MSRB1: variants seen among roughly 807,000 people sequenced by gnomAD.
MSRB1 encodes methionine-R-sulfoxide reductase B1.
Under a neutral mutation model 15.2 loss-of-function variants are expected in MSRB1, and 13 were observed. The ratio of observed to expected loss-of-function variants is 0.86; its 90% CI spans 0.56 to 1.36. The LOEUF is 1.36. Among genes scored for constraint, MSRB1 ranks in the 40% most tolerant of loss-of-function variants. The pLI is 0.00. For missense variants in MSRB1, 174 were observed against 155.9 expected, an observed-to-expected ratio of 1.12 and a Z score of -0.62; for synonymous variants, 68 against 64.5, an observed-to-expected ratio of 1.05 and a Z score of -0.26.
Position 1,940,863 on chromosome 16 carries a change from C to A in MSRB1, c.234G>T (p.Leu78Phe), listed in dbSNP as rs1178592136. The change falls in exon 3 of 4, where the codon TTG becomes TTT. Residue 78 changes from leucine to phenylalanine, a missense_variant. By Grantham distance (22) the Leu-to-Phe change is conservative. Coordinates refer to ENST00000361871, the MANE Select transcript of MSRB1 (RefSeq NM_016332.4). ...KVSCGKCGNGLGHEFLNDGPK... is the reference protein window; with the variant it reads ...KVSCGKCGNGFGHEFLNDGPK... ...GGCCGTCGTTCAGGAACTCGTGGCCCAACCCATTGCCACACTTGCCACAGG... is the reference window on the plus strand; with the variant it reads ...GGCCGTCGTTCAGGAACTCGTGGCCAAACCCATTGCCACACTTGCCACAGG... 1.9e-6 allele frequency: 3 copies of A among 1,614,068 alleles called. No homozygotes were observed. Among genetic ancestry groups the A allele is most frequent in the Admixed American group, 1.7e-5 (1 of 60,012 alleles).
Position 1,939,007 on chromosome 16 carries a change from C to A in MSRB1, c.*105G>T. 2.1e-6 allele frequency: 3 copies of A among 1,417,942 alleles called. No individual in the cohort carries two copies. The highest frequency in any genetic ancestry group is 1.2e-5 in the South Asian group (1 of 83,522). 87.8% of individuals were successfully genotyped at this position (1,417,942 alleles called of 1,614,324 possible). A position where few individuals can be genotyped will look rare whatever the true frequency, so the allele number is the denominator to read the frequency against. On this transcript the variant is annotated 3_prime_UTR_variant, in exon 4 of 4. Transcript: ENST00000361871. ...GAGTGTCCTGATGTTTCAACCACTG[C>A]GCCCTGCCTTCCTGTCTCGACGCCC...
chr16:1,942,970 G>A lies in MSRB1; in HGVS notation c.55+132C>T. Reference sequence around the variant, plus strand: ...TCCGCAGTCCTTTTGACCCCTGTTCGCTTCTCCCCGGCAGCCACATTCGCC... The same window carrying A: ...TCCGCAGTCCTTTTGACCCCTGTTCACTTCTCCCCGGCAGCCACATTCGCC... On this transcript the variant is annotated intron_variant, in intron 1 of 3. Coordinates refer to ENST00000361871, the MANE Select transcript of MSRB1 (RefSeq NM_016332.4). 5 of 1,279,338 alleles carry A rather than the reference G, an allele frequency of 3.9e-6. No individual in the cohort carries two copies. The South Asian group carries it at 5.4e-5, about 14-fold the overall frequency. The allele number at this position is 1,279,338 out of a possible 1,614,324, so 79.2% of individuals were successfully genotyped here.
rs193041536 is a variant in MSRB1 at position 1,939,620 on chromosome 16, C to A, written c.320-477G>T. Among the ~76,000 whole-genome samples, 442 of 152,206 alleles carry A rather than the reference C, an allele frequency of 2.9e-3. 2 individuals carry two copies. Among genetic ancestry groups the A allele is most frequent in the African/African-American group, 0.01 (425 of 41,522 alleles). ...GGCCAAGGCCCAGAGGAGTTCAAGA[C>A]CAGCCTGGGCCACATAGTGAGACCC... On this transcript the variant is annotated intron_variant, in intron 3 of 3. Coordinates refer to ENST00000361871, the MANE Select transcript of MSRB1 (RefSeq NM_016332.4).
Position 1,940,828 on chromosome 16 carries a change from C to A in MSRB1, c.269G>T (p.Gly90Val), listed in dbSNP as rs1190923058. Residue 90 changes from glycine (G) to valine (V), a missense_variant, in exon 3 of 4, where the codon GGG (glycine) becomes GTG (valine). Physicochemically the swap from Gly to Val is moderately radical, Grantham distance 109. Coordinates refer to ENST00000361871, the MANE Select transcript of MSRB1 (RefSeq NM_016332.4). ...HEFLNDGPKP[G>V]QSRFUIFSSS... is the part of the protein sequence containing the mutation. Reference sequence around the variant, plus strand: ...GCTGAATATTCAGAATCGGGACTGCCCCGGCTTGGGGCCGTCGTTCAGGAA... The same window carrying A: ...GCTGAATATTCAGAATCGGGACTGCACCGGCTTGGGGCCGTCGTTCAGGAA... The A allele has an allele frequency of 5.6e-6, 9 of 1,614,122 alleles. No homozygotes were observed. Among genetic ancestry groups the A allele is most frequent in the Middle Eastern group, 1.6e-4 (1 of 6,062 alleles).
chr16:1,940,909 G>A lies in MSRB1; in HGVS notation c.205-17C>T, dbSNP rs777570742. On this transcript the variant is annotated splice_polypyrimidine_tract_variant and intron_variant, in intron 2 of 3. Coordinates refer to ENST00000361871, the MANE Select transcript of MSRB1 (RefSeq NM_016332.4). ...ACAGGACACCTGGAAAGATCACAAG[G>A]CAGCTGGGTGAGCTTCTGGCCATGA... The A allele has an allele frequency of 6.2e-7, 1 of 1,614,014 alleles. No individual in the cohort carries two copies. The highest frequency in any genetic ancestry group is 8.5e-7 in the Non-Finnish European group (1 of 1,179,982).
intron 1 of MSRB1, among the ~76,000 whole-genome samples, chr16:1,942,402 G>A (rs1650725949): frequency 6.6e-6 from 1 of 152,232 alleles, no homozygotes; most frequent in Admixed American, 6.5e-5. Flanking sequence ...CCACTACCAG[G>A]CGAGCCCAGC....
In MSRB1 at chr16:1,943,189, G is replaced by A. The variant is rs772983723; in HGVS notation, c.-33C>T. On this transcript the variant is annotated 5_prime_UTR_variant, in exon 1 of 4. Coordinates refer to ENST00000361871, the MANE Select transcript of MSRB1 (RefSeq NM_016332.4). ...CCGGAACCGCAGCGCGCTTGCCGCT[G>A]CCAACTGACCAAAGGCTGCCGACCC... is the stretch of plus-strand genomic sequence containing the variant. The A allele has an allele frequency of 6.4e-6, 10 of 1,551,062 alleles. No individual in the cohort carries two copies. In the South Asian group the frequency reaches 1.2e-4, roughly 18 times the overall value.
At chr16:1,942,943 C>T (rs2083088777) in intron 1 of MSRB1, among the ~76,000 whole-genome samples, 159 bp downstream of exon 1, 1 of 152,178 alleles carries the variant, frequency 6.6e-6, no homozygotes, top group South Asian at 2.1e-4. Context: ...GCTCCCCACT[C>T]CTCCGCAGTC....
Position 1,943,124 on chromosome 16 carries a change from A to C in MSRB1, c.33T>G (p.Val11=). ...AACCAGGTTCAAAGTGATTCTGGAA[A>C]ACCTCGCCCCCGAAGAAGCTGCAGA... The part of the protein sequence containing the change: MSFCSFFGGE[V]FQNHFEPGVY... The change falls in exon 1 of 4, where the codon GTT becomes GTG. Residue 11 remains valine, a synonymous_variant. Transcript: ENST00000361871. 6 of 1,561,968 alleles carry C rather than the reference A, an allele frequency of 3.8e-6. No homozygotes were observed. Among genetic ancestry groups the C allele is most frequent in the Non-Finnish European group, 5.2e-6 (6 of 1,153,190 alleles).
At position 1,939,134 on chromosome 16, in the gene MSRB1, G is replaced by A. The variant is rs199711553; in HGVS notation, c.329C>T (p.Thr110Ile). 1 of 1,608,568 alleles carries A rather than the reference G, an allele frequency of 6.2e-7. No homozygotes were observed. The highest frequency in any genetic ancestry group is 8.5e-7 in the Non-Finnish European group (1 of 1,178,366). ...SLKFVPKGKE[T>I]SASQGH ...CGCCTAGTGACCCTGGGAGGCAGAA[G>A]TTTCTTTGCCTGAAAGAGAGGAGAG... Residue 110 changes from threonine to isoleucine, a missense_variant, in exon 4 of 4, where the codon ACT becomes ATT. By Grantham distance (89) the Thr-to-Ile change is moderately conservative. Coordinates refer to ENST00000361871, the MANE Select transcript of MSRB1 (RefSeq NM_016332.4).
intron 1 of MSRB1, chr16:1,942,069 G>A (rs1442857836): frequency 6.6e-6 from 1 of 152,286 alleles, no homozygotes; most frequent in African/African-American, 2.4e-5. Flanking sequence ...ACTGAAAACA[G>A]GAACCTCCAG....
At chr16:1,942,929 C>G (rs41286697) in intron 1 of MSRB1, among the ~76,000 whole-genome samples, 173 bp downstream of exon 1, 26,120 of 151,894 alleles carry the variant, frequency 0.17, 2,659 homozygotes, top group East Asian at 0.44. Context: ...CTCCTCGCCC[C>G]CAGGCTCCCC....
rs2083078123 is a variant in MSRB1, at chr16:1,941,596, G to A, written c.56-191C>T. 23 of 698,086 alleles carry A rather than the reference G, an allele frequency of 3.3e-5. No homozygotes were observed. In the South Asian group the frequency reaches 4.1e-4, roughly 12 times the overall value. 43.2% of individuals were successfully genotyped at this position (698,086 alleles called of 1,614,324 possible). A position where few individuals can be genotyped will look rare whatever the true frequency, so the allele number is the denominator to read the frequency against. ...TTTAGTAGATGTGCCAGAGACCAGGGGAGTCACCTTTCACAATTATCTCCT... is the reference window on the plus strand; with the variant it reads ...TTTAGTAGATGTGCCAGAGACCAGGAGAGTCACCTTTCACAATTATCTCCT... On this transcript the variant is annotated intron_variant, in intron 1 of 3. Coordinates refer to ENST00000361871, the MANE Select transcript of MSRB1 (RefSeq NM_016332.4).
intron 1 of MSRB1, 42 bp from the exon 2 acceptor site, chr16:1,941,447 G>A (rs762736114): frequency 8.4e-6 from 13 of 1,556,234 alleles, no homozygotes; most frequent in Admixed American, 7.7e-5. Flanking sequence ...ATCAGCTCCC[G>A]CCTTTCCGGG....
chr16:1,942,434 C>T (rs1212894454), intron 1 of MSRB1, among the ~76,000 whole-genome samples: 2 of 152,256 alleles, frequency 1.3e-5, no homozygotes, highest in South Asian at 2.1e-4. Flanking sequence ...TCATCAGGGC[C>T]AGTGTGGAGG....
At position 1,939,345 on chromosome 16, in the gene MSRB1, G is replaced by A. The variant is rs187810620; in HGVS notation, c.320-202C>T. ...GGGGAGCTGAAAAGACCAGATGCCC[G>A]ACTCAGGGGAGTCTGTGTACCCCAT... On this transcript the variant is annotated intron_variant, in intron 3 of 3. Coordinates refer to ENST00000361871, the MANE Select transcript of MSRB1 (RefSeq NM_016332.4). 3.0e-3 allele frequency among the ~76,000 whole-genome samples: 459 copies of A among 152,326 alleles called. 12 individuals are homozygous for A. Among genetic ancestry groups the A allele is most frequent in the Admixed American group, 0.029 (448 of 15,304 alleles).
At chr16:1,939,642 A>AC (rs2083062869) in intron 3 of MSRB1, among the ~76,000 whole-genome samples, 2 of 151,830 alleles carry the variant, frequency 1.3e-5, no homozygotes, top group South Asian at 2.1e-4. Context: ...ACATAGTGAG[A>AC]CCCCCATCTC....
intron 1 of MSRB1, chr16:1,942,089 G>C (rs893988827): frequency 1.3e-5 from 2 of 152,250 alleles, no homozygotes; most frequent in Non-Finnish European, 2.9e-5. Flanking sequence ...GGGGTGCTGA[G>C]TCACCTCTCA....
At chr16:1,942,287 T>C (rs1051430281) in intron 1 of MSRB1, among the ~76,000 whole-genome samples, 2 of 152,166 alleles carry the variant, frequency 1.3e-5, no homozygotes, top group Non-Finnish European at 2.9e-5. Context: ...GCCGGGATGG[T>C]CCTGTGTCAC....
Sources: allele counts gnomAD v4.1 joint callset (sites outside exome capture counted in the v4.1 genomes callset), GRCh38; gene constraint gnomAD v4.1.1; transcripts MANE v1.5; gene names NCBI Gene and HGNC (gene_info 2026-07-23, HGNC 2026-07-21).